CEP192: variants seen among roughly 807,000 people sequenced by gnomAD.
The protein encoded by CEP192 is centrosomal protein 192.
A neutral mutation model predicts 271.8 loss-of-function variants in CEP192; 151 were observed. The ratio of observed to expected loss-of-function variants is 0.56; its 90% confidence interval spans 0.49 to 0.64. The LOEUF (loss-of-function observed/expected upper bound fraction) is 0.64. Ranked by LOEUF, CEP192 falls within the 30% of genes least tolerant of loss-of-function variation. The probability of loss-of-function intolerance (pLI) is 0.00; values close to 1 mark genes in which losing one functional copy is unlikely to be tolerated. For synonymous variants in CEP192, 995 were observed against 1,076.5 expected (o/e 0.92, Z 1.48); for missense variants, 2,910 against 3,020.5 (o/e 0.96, Z 0.86).
intron 30 of CEP192, among the ~76,000 whole-genome samples, chr18:13,077,275 C>T (rs765883615): frequency 6.6e-6 from 1 of 152,166 alleles, no homozygotes; most frequent in Non-Finnish European, 1.5e-5. Flanking sequence ...AAAATTCAAA[C>T]TCCACAATGC....
intron 8 of CEP192, 82 bp downstream of exon 8, chr18:13,018,697 A>T (rs1425484669): frequency 2.0e-6 from 2 of 991,444 alleles, no homozygotes; most frequent in Non-Finnish European, 2.8e-6. Flanking sequence ...TTTCTCTGGT[A>T]TGATTTAGCA....
intron 44 of CEP192, among the ~76,000 whole-genome samples, chr18:13,121,780 G>C (rs1471765083): frequency 6.6e-6 from 1 of 152,182 alleles, no homozygotes; most frequent in East Asian, 1.9e-4. Flanking sequence ...ACAGTGCAAG[G>C]TGCACAATCC....
chr18:13,037,760 G>A (rs2035991873), intron 12 of CEP192, among the ~76,000 whole-genome samples: 1 of 152,048 alleles, frequency 6.6e-6, no homozygotes, highest in Admixed American at 6.6e-5. Context: ...TTGTTACGTT[G>A]CCTAGACTTG....
intron 13 of CEP192, among the ~76,000 whole-genome samples, chr18:13,039,792 G>A (rs1422310054): frequency 2.0e-5 from 3 of 152,194 alleles, no homozygotes; most frequent in African/African-American, 7.2e-5. Context: ...CATATGTCAG[G>A]TGCCCAGGTA....
intron 3 of CEP192, among the ~76,000 whole-genome samples, chr18:13,004,739 G>A (rs1401497349): frequency 6.6e-6 from 1 of 152,196 alleles, no homozygotes; most frequent in East Asian, 1.9e-4. Flanking sequence ...ACAACATCAA[G>A]GGCCCAACTT....
chr18:13,041,650 C>T (rs1284941781), intron 14 of CEP192, among the ~76,000 whole-genome samples: 1 of 151,164 alleles, frequency 6.6e-6, no homozygotes, highest in Non-Finnish European at 1.5e-5. Context: ...ACTGCAATCT[C>T]CACCTCCTGG....
intron 36 of CEP192, among the ~76,000 whole-genome samples, chr18:13,096,721 T>C (rs2039420345): frequency 6.6e-6 from 1 of 152,252 alleles, no homozygotes; most frequent in African/African-American, 2.4e-5. Context: ...TTGTGTGTTC[T>C]GCTGGCTTTT....
In CEP192 at chr18:13,008,601, A is replaced by G; in HGVS notation, c.436A>G (p.Asn146Asp). 1 of 1,551,586 alleles carries G rather than the reference A, an allele frequency of 6.4e-7. No homozygotes were observed. The highest frequency in any genetic ancestry group is 8.7e-7 in the Non-Finnish European group (1 of 1,146,934). Reference sequence around the variant, plus strand: ...ATCCTTGCAGGGCCAAGATCTCTTCAACAGGGCTTCACCACTGGAACAAGC... The same window carrying G: ...ATCCTTGCAGGGCCAAGATCTCTTCGACAGGGCTTCACCACTGGAACAAGC... The part of the protein sequence containing the change: ...TESLQGQDLF[N>D]RASPLEQAQD... Residue 146 changes from asparagine (N) to aspartate (D), a missense_variant, in exon 4 of 45, where the codon AAC (asparagine) becomes GAC (aspartate). Transcript: ENST00000506447.
chr18:13,059,625 T>A (rs1244423672), intron 21 of CEP192, among the ~76,000 whole-genome samples: 1 of 152,236 alleles, frequency 6.6e-6, no homozygotes, highest in Non-Finnish European at 1.5e-5. Flanking sequence ...TTTTTATATT[T>A]CTGTACCTGG....
chr18:13,096,315 T>C lies in CEP192; in HGVS notation c.6557+8T>C. 1 of 1,611,896 alleles carries C rather than the reference T, an allele frequency of 6.2e-7. No individual in the cohort carries two copies. On this transcript the variant is annotated splice_region_variant and intron_variant, in intron 36 of 44. Transcript: ENST00000506447. Reference sequence around the variant, plus strand: ...TGGATGTGTCGCGCCAGAGTAAGTCTGACTTCTGTGTTGCTCTGCGTGTTA... The same window carrying C: ...TGGATGTGTCGCGCCAGAGTAAGTCCGACTTCTGTGTTGCTCTGCGTGTTA...
chr18:13,051,574 C>T (rs2036794121), intron 17 of CEP192, among the ~76,000 whole-genome samples: 1 of 152,098 alleles, frequency 6.6e-6, no homozygotes, highest in Non-Finnish European at 1.5e-5. Flanking sequence ...GAGACAGAGT[C>T]TCTCTCTCGC....
intron 38 of CEP192, among the ~76,000 whole-genome samples, chr18:13,103,060 C>T (rs868623454): frequency 5.9e-5 from 9 of 152,310 alleles, no homozygotes; most frequent in Middle Eastern, 3.4e-3. Context: ...TCAGCAAGTC[C>T]TTTGAAGCCT....
intron 40 of CEP192, among the ~76,000 whole-genome samples, chr18:13,112,208 A>G (rs1268400352): frequency 6.6e-6 from 1 of 152,266 alleles, no homozygotes; most frequent in Non-Finnish European, 1.5e-5. Flanking sequence ...AATAGACAAA[A>G]AAGTGGGAAT....
chr18:13,115,680 G>A (rs746600962), intron 42 of CEP192, among the ~76,000 whole-genome samples: 3 of 152,158 alleles, frequency 2.0e-5, no homozygotes, highest in Non-Finnish European at 4.4e-5. Flanking sequence ...AAAGGGGATG[G>A]CTGTGAGAGG....
rs376644609 is a variant in CEP192 at position 13,089,577 on chromosome 18, G to T, written c.6103+12G>T. On this transcript the variant is annotated intron_variant, in intron 33 of 44. Coordinates refer to ENST00000506447, the MANE Select transcript of CEP192 (RefSeq NM_032142.4). ...ATTAGTAACTGAAGGTAAGAATTCC[G>T]GCGTGTCTTGATGTATTAAATCTTT... The T allele has an allele frequency of 6.2e-6, 8 of 1,285,462 alleles. No individual in the cohort carries two copies. The East Asian group carries it at 1.9e-4, about 30-fold the overall frequency. 79.6% of individuals were successfully genotyped at this position (1,285,462 alleles called of 1,614,324 possible).
At chr18:12,992,889 A>G (rs1362765661) in intron 1 of CEP192, among the ~76,000 whole-genome samples, 2 of 152,234 alleles carry the variant, frequency 1.3e-5, no homozygotes, top group Non-Finnish European at 2.9e-5. Context: ...TGAATGTTGC[A>G]TGAATGACCT....
chr18:13,063,820 ATTTTTT>A (rs111552814), intron 21 of CEP192, among the ~76,000 whole-genome samples: 11 of 134,558 alleles, frequency 8.2e-5, no homozygotes, highest in African/African-American at 2.2e-4. Context: ...ATTTTCCCCA[ATTTTTT>A]TTTTTTTTTT....
chr18:13,030,121 G>A (rs2035532435), intron 10 of CEP192, 119 bp downstream of exon 10: 1 of 869,474 alleles, frequency 1.2e-6, no homozygotes, highest in Admixed American at 2.9e-5. Context: ...GTGTTTTATA[G>A]TTTAAACAAA....
chr18:13,061,279 C>T (rs775046203), intron 21 of CEP192, among the ~76,000 whole-genome samples: 6 of 152,150 alleles, frequency 3.9e-5, no homozygotes, highest in African/African-American at 9.7e-5. Flanking sequence ...GCTGAAGTCA[C>T]GCTATTGCAC....
Sources: gnomAD v4.1 joint callset for allele counts (sites outside exome capture counted in the v4.1 genomes callset) on GRCh38, gnomAD v4.1.1 for gene constraint, MANE v1.5 for transcripts, NCBI Gene and HGNC (gene_info 2026-07-23, HGNC 2026-07-21) for gene names.